GRIP1: variants seen among roughly 807,000 people sequenced by gnomAD.
GRIP1 encodes glutamate receptor-interacting protein 1.
Under a neutral mutation model 129.9 loss-of-function variants are expected in GRIP1, and 45 were observed. The observed-to-expected ratio is 0.35, with a 90% CI of 0.27 to 0.44. GRIP1 has a LOEUF of 0.44. GRIP1 is among the 20% of genes least tolerant of loss of function. The pLI is 1.00. For synonymous variants in GRIP1, 530 were observed against 520.8 expected (o/e 1.02, Z -0.24); for missense variants, 1,196 against 1,396.8 (o/e 0.86, Z 2.29).
At chr12:66,423,991 T>C (rs1281181258) in intron 14 of GRIP1, among the ~76,000 whole-genome samples, 1 of 152,206 alleles carries the variant, frequency 6.6e-6, no homozygotes, top group Non-Finnish European at 1.5e-5. Flanking sequence ...ATGATATATA[T>C]TAGTACTGCC....
At chr12:66,558,806 A>C (rs2062420646) in intron 2 of GRIP1, among the ~76,000 whole-genome samples, 1 of 147,740 alleles carries the variant, frequency 6.8e-6, no homozygotes, top group Non-Finnish European at 1.5e-5. Flanking sequence ...AATAAAGGAG[A>C]GAATACTTCA....
chr12:66,633,974 C>T (rs1023348269), intron 1 of GRIP1, among the ~76,000 whole-genome samples: 2 of 152,176 alleles, frequency 1.3e-5, no homozygotes, highest in Non-Finnish European at 2.9e-5. Context: ...GATTCATATC[C>T]TTTCCTTCAG....
chr12:66,570,730 G>A (rs1292776218), intron 2 of GRIP1, among the ~76,000 whole-genome samples: 1 of 152,042 alleles, frequency 6.6e-6, no homozygotes, highest in Non-Finnish European at 1.5e-5. Context: ...CCACCATATG[G>A]TTTTGTCAAA....
intron 16 of GRIP1, among the ~76,000 whole-genome samples, chr12:66,406,059 AAT>A (rs1430888040): frequency 1.4e-4 from 21 of 152,276 alleles, no homozygotes; most frequent in African/African-American, 4.3e-4. Context: ...ATGCAATTAT[AAT>A]ATGTTTTCTA....
chr12:66,659,820 A>T (rs913201430), intron 1 of GRIP1, among the ~76,000 whole-genome samples: 1 of 152,174 alleles, frequency 6.6e-6, no homozygotes, highest in African/African-American at 2.4e-5. Flanking sequence ...TTGCCATGCA[A>T]TTCTCTTGTA....
chr12:66,573,350 C>T (rs1168494086), intron 2 of GRIP1, among the ~76,000 whole-genome samples: 2 of 152,104 alleles, frequency 1.3e-5, no homozygotes, highest in Non-Finnish European at 2.9e-5. Context: ...CTAAAAAGGA[C>T]CAGATGAGCC....
At position 66,957,694 on chromosome 12, in the gene GRIP1, T is replaced by C. The variant is rs528046475; in HGVS notation, c.58+111356A>G. On this transcript the variant is annotated intron_variant, in intron 1 of 1. Transcript: ENST00000643019. ...AGACCACAGAGGGAAAGTGCCATTT[T>C]CATCACTTCACATTAAGAGCACCTA... Among the ~76,000 whole-genome samples, 20 of 152,322 alleles carry C rather than the reference T, an allele frequency of 1.3e-4. No individual in the cohort carries two copies. The South Asian group carries it at 3.1e-3, about 24-fold the overall frequency.
intron 1 of GRIP1, among the ~76,000 whole-genome samples, chr12:66,608,080 A>G (rs191162267): frequency 7.2e-5 from 11 of 152,310 alleles, no homozygotes; most frequent in African/African-American, 2.6e-4. Flanking sequence ...TATTTCATAC[A>G]CATGACTTGA....
chr12:66,528,724 G>A (rs1378870250), intron 5 of GRIP1, among the ~76,000 whole-genome samples: 1 of 152,134 alleles, frequency 6.6e-6, no homozygotes, highest in Non-Finnish European at 1.5e-5. Flanking sequence ...AGTATAGGAT[G>A]ACTGAATTGA....
chr12:66,721,980 T>C (rs371048965), intron 1 of GRIP1, among the ~76,000 whole-genome samples: 1 of 152,340 alleles, frequency 6.6e-6, no homozygotes, highest in East Asian at 1.9e-4. Context: ...GGCATTGCTC[T>C]GGATTAGGCT....
At chr12:66,752,097 G>T (rs997369837) in intron 1 of GRIP1, among the ~76,000 whole-genome samples, 1 of 152,062 alleles carries the variant, frequency 6.6e-6, no homozygotes, top group Non-Finnish European at 1.5e-5. Context: ...AATGCTTCTT[G>T]TAGAGAGAAA....
chr12:66,899,033 G>A (rs149302180), intron 1 of GRIP1, among the ~76,000 whole-genome samples: 8 of 152,260 alleles, frequency 5.3e-5, no homozygotes, highest in African/African-American at 1.2e-4. Flanking sequence ...GGATCAGGTT[G>A]TCTTGTTTTT....
At position 66,678,925 on chromosome 12, in the gene GRIP1, G is replaced by GAAA. The variant is rs1000970228; in HGVS notation, c.-22_-21insTTT. On this transcript the variant is annotated 5_prime_UTR_variant, in exon 1 of 25. Coordinates refer to ENST00000359742, the MANE Select transcript of GRIP1 (RefSeq NM_001366722.1). ...ATCATTCTTGCTCACTGCTTTCTGT[G>GAAA]GCAAAGTGTACTCAAGGCTCTCTGC... 1.2e-6 allele frequency: 2 copies of GAAA among 1,613,046 alleles called. No individual in the cohort carries two copies. The highest frequency in any genetic ancestry group is 2.7e-5 in the African/African-American group (2 of 74,864).
intron 1 of GRIP1, among the ~76,000 whole-genome samples, chr12:66,691,592 C>A (rs1321843593): frequency 6.6e-6 from 1 of 152,154 alleles, no homozygotes; most frequent in East Asian, 1.9e-4. Context: ...TCCCACCATG[C>A]CCTTGTCCAC....
chr12:66,948,242 C>G (rs1307264915), intron 1 of GRIP1, among the ~76,000 whole-genome samples: 3 of 152,156 alleles, frequency 2.0e-5, no homozygotes. Context: ...TCTGGAGGAG[C>G]ATGGACTTTT....
At chr12:66,945,373 G>A (rs1174677398) in intron 1 of GRIP1, among the ~76,000 whole-genome samples, 1 of 152,170 alleles carries the variant, frequency 6.6e-6, no homozygotes, top group African/African-American at 2.4e-5. Flanking sequence ...TTCTTGTGTT[G>A]CTATAAAGAA....
intron 1 of GRIP1, among the ~76,000 whole-genome samples, chr12:66,735,001 T>C (rs1184571728): frequency 1.3e-5 from 2 of 152,228 alleles, no homozygotes; most frequent in East Asian, 1.9e-4. Context: ...TATTTTTACA[T>C]GTATGAACTC....
intron 1 of GRIP1, among the ~76,000 whole-genome samples, chr12:66,633,937 T>C (rs183282033): frequency 6.6e-6 from 1 of 152,336 alleles, no homozygotes; most frequent in East Asian, 1.9e-4. Context: ...GAGTCCAGGA[T>C]AACCCTCAGG....
chr12:67,013,450 A>G (rs1055755666), intron 1 of GRIP1, among the ~76,000 whole-genome samples: 7 of 152,154 alleles, frequency 4.6e-5, no homozygotes, highest in Non-Finnish European at 1.0e-4. Flanking sequence ...ATCCTTCTTA[A>G]TTACCTCATC....
Sources: gnomAD v4.1 joint callset for allele counts (sites outside exome capture counted in the v4.1 genomes callset) on GRCh38, gnomAD v4.1.1 for gene constraint, MANE v1.5 for transcripts, NCBI Gene and HGNC (gene_info 2026-07-23, HGNC 2026-07-21) for gene names.